FLII: variants seen among roughly 807,000 people sequenced by gnomAD.
FLII encodes the protein protein flightless-1 homolog.
A neutral mutation model predicts 156.2 loss-of-function variants in FLII; 101 were observed. The observed-to-expected ratio is 0.65, with a 90% CI of 0.55 to 0.76. FLII has a LOEUF of 0.76. FLII is among the 30% of genes least tolerant of loss of function. The probability of loss-of-function intolerance (pLI) is 0.00; values close to 1 mark genes in which losing one functional copy is unlikely to be tolerated. For synonymous variants in FLII, 767 were observed against 685.8 expected, an observed-to-expected ratio of 1.12 and a Z score of -1.85; for missense variants, 1,675 against 1,682.8, an observed-to-expected ratio of 1.00 and a Z score of 0.08.
At chr17:18,252,234 CG>C (rs1733741318) in intron 10 of FLII, 88 bp from the exon 11 acceptor site, 1 of 1,308,144 alleles carries the variant, frequency 7.6e-7, no homozygotes, top group African/African-American at 1.5e-5. Context: ...TGTCTGCAGC[CG>C]CCAGGGCTGA....
chr17:18,255,293 C>A, intron 3 of FLII, 30 bp from the exon 4 acceptor site: 1 of 1,580,220 alleles, frequency 6.3e-7, no homozygotes, highest in Non-Finnish European at 8.7e-7. Context: ...GTCTATAATT[C>A]CTGGCTTCCA....
In FLII at chr17:18,246,407, C is replaced by G; in HGVS notation, c.3107G>C (p.Arg1036Thr). The G allele has an allele frequency of 6.2e-7, 1 of 1,614,048 alleles. No homozygotes were observed. Among genetic ancestry groups the G allele is most frequent in the Non-Finnish European group, 8.5e-7 (1 of 1,179,994 alleles). The change falls in exon 24 of 30, where the codon AGG (arginine) becomes ACG (threonine). Residue 1036 changes from arginine to threonine, a missense_variant. Around this residue, in one of 2 missense-constraint regions of FLII, gnomAD observed 1,332 missense variants for 1,269.3 expected, o/e 1.05. Transcript: ENST00000327031. ...ENPKFLSHFK[R>T]KFIIHRGKRK... The stretch of plus-strand genomic sequence containing the variant: ...CTTGCCCCGGTGGATGATGAACTTC[C>G]TCTTGAAATGGGACAGGAACTTGGG...
At chr17:18,245,297 G>T (rs780853576) in intron 29 of FLII, 25 bp from the exon 30 acceptor site, 2 of 1,613,078 alleles carry the variant, frequency 1.2e-6, no homozygotes, top group Non-Finnish European at 1.7e-6. Context: ...GCGAGCCTTG[G>T]GTGATGACCC....
rs200673605 is a variant in FLII at position 18,247,858 on chromosome 17, G to C, written c.2296-10C>G. 6.7e-4 allele frequency: 1,089 copies of C among 1,613,830 alleles called. 3 individuals carry two copies. Among genetic ancestry groups the C allele is most frequent in the Middle Eastern group, 1.8e-3 (11 of 6,078 alleles). ...CCAGCAGACTCTGCAGCTGCGGACCGGGAGTCTGGAGGTCAAAGCCCAGCC... is the reference window on the plus strand; with the variant it reads ...CCAGCAGACTCTGCAGCTGCGGACCCGGAGTCTGGAGGTCAAAGCCCAGCC... On this transcript the variant is annotated splice_polypyrimidine_tract_variant and intron_variant, in intron 19 of 29. Transcript: ENST00000327031.
rs2048490535 is a variant in FLII, at chr17:18,258,323, C to G, written c.63+305G>C. 1 of 604,184 alleles carries G rather than the reference C, an allele frequency of 1.7e-6. No individual in the cohort carries two copies. Among genetic ancestry groups the G allele is most frequent in the Non-Finnish European group, 2.7e-6 (1 of 369,448 alleles). The allele number at this position is 604,184 out of a possible 1,614,324, so 37.4% of individuals were successfully genotyped here. On this transcript the variant is annotated intron_variant, in intron 1 of 29. Coordinates refer to ENST00000327031, the MANE Select transcript of FLII (RefSeq NM_002018.4). The surrounding 1 kb of genome is among the most constrained non-coding windows in gnomAD (Gnocchi z 4.2). ...AGGGGCGGGGAGGCTCGCCCGATCC[C>G]CAGGCCACCATCCAGCCTAGACCGA...
At position 18,251,834 on chromosome 17, in the gene FLII, C is replaced by A; in HGVS notation, c.1247-18G>T. 2 of 1,613,152 alleles carry A rather than the reference C, an allele frequency of 1.2e-6. No homozygotes were observed. Among genetic ancestry groups the A allele is most frequent in the Middle Eastern group, 1.7e-4 (1 of 6,060 alleles). On this transcript the variant is annotated intron_variant, in intron 11 of 29. Transcript: ENST00000327031. ...ACTCCCTGCTTAGGGGAGGGGCAAA[C>A]AGCTGAGCCCTCACTGGGCCTGCTG...
rs1359343485 is a variant in FLII at position 18,249,221 on chromosome 17, G to A, written c.1860-20C>T. The A allele has an allele frequency of 1.2e-6, 2 of 1,613,980 alleles. No homozygotes were observed. Among genetic ancestry groups the A allele is most frequent in the Non-Finnish European group, 1.7e-6 (2 of 1,179,902 alleles). ...TACATCCTGGGCGCAGGGCAAGAGT[G>A]GCTCAGTGTAGGCACCAAGGGCCTA... On this transcript the variant is annotated intron_variant, in intron 15 of 29. Coordinates refer to ENST00000327031, the MANE Select transcript of FLII (RefSeq NM_002018.4).
At chr17:18,253,746 C>T in intron 7 of FLII, 27 bp from the exon 8 acceptor site, 1 of 1,570,484 alleles carries the variant, frequency 6.4e-7, no homozygotes, top group Non-Finnish European at 8.7e-7. Context: ...GGTGCATCAG[C>T]TGGGGCCCAT....
chr17:18,248,623 A>G lies in FLII; in HGVS notation c.2117T>C (p.Leu706Pro), dbSNP rs1462754830. 3 of 1,613,876 alleles carry G rather than the reference A, an allele frequency of 1.9e-6. No individual in the cohort carries two copies. The highest frequency in any genetic ancestry group is 1.7e-5 in the Admixed American group (1 of 60,014). ...GQELPEFWEA[L>P]GGEPSEIKKH... is the part of the protein sequence containing the mutation. ...CTTGATCTCAGAGGGCTCCCCACCCAGTGCCTCCCAGAACTCTGGGAGCTC... is the reference window on the plus strand; with the variant it reads ...CTTGATCTCAGAGGGCTCCCCACCCGGTGCCTCCCAGAACTCTGGGAGCTC... The change falls in exon 18 of 30, where the codon CTG (leucine) becomes CCG (proline). Residue 706 changes from leucine (L) to proline (P), a missense_variant. By Grantham distance (98) the Leu-to-Pro change is moderately conservative (BLOSUM62 -3). Coordinates refer to ENST00000327031, the MANE Select transcript of FLII (RefSeq NM_002018.4).
chr17:18,247,123 G>GGGGGGGGCCCC, intron 21 of FLII, 46 bp downstream of exon 21: 1 of 1,249,070 alleles, frequency 8.0e-7, no homozygotes, highest in Non-Finnish European at 1.0e-6. Context: ...CCCTCGGCCT[G>GGGGGGGGCCCC]CCCCCCACCC....
At position 18,245,242 on chromosome 17, in the gene FLII, G is replaced by A. The variant is rs749826930; in HGVS notation, c.3706C>T (p.His1236Tyr). ...AGGCGCAGCCGGCGCGGCCGCTCAT[G>A]TTCCTTGGACCGCATGTGCTGGATA... ...VYIQHMRSKEHERPRRLRLVR... is the reference protein window; with the variant it reads ...VYIQHMRSKEYERPRRLRLVR... Residue 1236 changes from histidine (H) to tyrosine (Y), a missense_variant, in exon 30 of 30, where the codon CAT becomes TAT. Transcript: ENST00000327031. The A allele has an allele frequency of 3.1e-6, 5 of 1,613,716 alleles. No homozygotes were observed. Among genetic ancestry groups the A allele is most frequent in the Admixed American group, 1.7e-5 (1 of 60,008 alleles).
chr17:18,246,767 C>CG lies in FLII; in HGVS notation c.2877dup (p.Glu960ArgfsTer11). On this transcript the variant is annotated frameshift_variant, in exon 23 of 30. Transcript: ENST00000327031. LOFTEE classifies it high-confidence loss of function. The stretch of plus-strand genomic sequence containing the variant: ...GTTGCTTCCTCGCCTTCTTTGCCCT[C>CG]GGCCTTCTCCTCCTTGTCTTCCTTC... 1 of 1,613,950 alleles carries CG rather than the reference C, an allele frequency of 6.2e-7. No homozygotes were observed. Among genetic ancestry groups the CG allele is most frequent in the Non-Finnish European group, 8.5e-7 (1 of 1,179,932 alleles).
Position 18,247,365 on chromosome 17 carries a change from G to T in FLII, c.2488-8C>A, listed in dbSNP as rs564612939. Reference sequence around the variant, plus strand: ...GAACTTGGCCTTGAACACCTGCCAGGGAGGCCATCAACTAACCATGAGGGG... The same window carrying T: ...GAACTTGGCCTTGAACACCTGCCAGTGAGGCCATCAACTAACCATGAGGGG... On this transcript the variant is annotated splice_polypyrimidine_tract_variant and splice_region_variant and intron_variant, in intron 20 of 29. Coordinates refer to ENST00000327031, the MANE Select transcript of FLII (RefSeq NM_002018.4). The T allele has an allele frequency of 6.3e-7, 1 of 1,595,802 alleles. No homozygotes were observed. Among genetic ancestry groups the T allele is most frequent in the African/African-American group, 1.4e-5 (1 of 73,792 alleles).
chr17:18,256,235 G>A (rs1376089768), intron 3 of FLII, among the ~76,000 whole-genome samples: 1 of 152,258 alleles, frequency 6.6e-6, no homozygotes, highest in African/African-American at 2.4e-5. Flanking sequence ...TGGGAACATT[G>A]CTCAGCCAGT....
rs1240397573 is a variant in FLII at position 18,258,586 on chromosome 17, A to G, written c.63+42T>C. The G allele has an allele frequency of 6.5e-7, 1 of 1,536,348 alleles. No homozygotes were observed. Among genetic ancestry groups the G allele is most frequent in the Non-Finnish European group, 8.7e-7 (1 of 1,149,856 alleles). On this transcript the variant is annotated intron_variant, in intron 1 of 29. Coordinates refer to ENST00000327031, the MANE Select transcript of FLII (RefSeq NM_002018.4). This position sits in a 1 kb window ranked among gnomAD's most constrained non-coding sequence, Gnocchi z 4.2. ...AGGCCAAGCGGGCCGGGCGGAAGAG[A>G]AGGCCTGCAGGGAGGCCCGGCACGC...
At position 18,245,018 on chromosome 17, in the gene FLII, G is replaced by A. The variant is rs2047976131; in HGVS notation, c.*120C>T. The A allele has an allele frequency of 3.6e-6, 4 of 1,119,016 alleles. No individual in the cohort carries two copies. The Admixed American group carries it at 6.5e-5, about 18-fold the overall frequency. The allele number at this position is 1,119,016 out of a possible 1,614,324, so 69.3% of individuals were successfully genotyped here. A position where few individuals can be genotyped will look rare whatever the true frequency, so the allele number is the denominator to read the frequency against. Reference sequence around the variant, plus strand: ...CATTGGTGCTGCTTGAGGCTACTGGGGACTGTGGCACTGGACGTGGCTGGA... The same window carrying A: ...CATTGGTGCTGCTTGAGGCTACTGGAGACTGTGGCACTGGACGTGGCTGGA... On this transcript the variant is annotated 3_prime_UTR_variant, in exon 30 of 30. Coordinates refer to ENST00000327031, the MANE Select transcript of FLII (RefSeq NM_002018.4).
intron 14 of FLII, among the ~76,000 whole-genome samples, chr17:18,250,432 G>A (rs572687026): frequency 1.1e-4 from 16 of 152,224 alleles, no homozygotes; most frequent in African/African-American, 2.6e-4. Context: ...CTCTGGTCCC[G>A]CCCTTGGCCC....
In FLII at chr17:18,251,430, G is replaced by A. The variant is rs1457292332; in HGVS notation, c.1431C>T (p.Asp477=). ...RAPSGKVRRW[D]QGLEKPRLDY... ...CAAGGCGGGGCTTCTCCAGGCCCTG[G>A]TCCCAACGCCGCACCTTCCCGCTGG... The change falls in exon 13 of 30, where the codon GAC becomes GAT. Residue 477 remains aspartate, a synonymous_variant. Coordinates refer to ENST00000327031, the MANE Select transcript of FLII (RefSeq NM_002018.4). The A allele has an allele frequency of 6.2e-7, 1 of 1,612,226 alleles. No homozygotes were observed. The highest frequency in any genetic ancestry group is 1.3e-5 in the African/African-American group (1 of 74,936).
In FLII at chr17:18,258,407, G is replaced by C. The variant is rs537515996; in HGVS notation, c.63+221C>G. 1 of 1,362,758 alleles carries C rather than the reference G, an allele frequency of 7.3e-7. No homozygotes were observed. The highest frequency in any genetic ancestry group is 1.5e-5 in the African/African-American group (1 of 66,182). The allele number at this position is 1,362,758 out of a possible 1,614,324, so 84.4% of individuals were successfully genotyped here. A position where few individuals can be genotyped will look rare whatever the true frequency, so the allele number is the denominator to read the frequency against. On this transcript the variant is annotated intron_variant, in intron 1 of 29. Coordinates refer to ENST00000327031, the MANE Select transcript of FLII (RefSeq NM_002018.4). The surrounding 1 kb of genome is among the most constrained non-coding windows in gnomAD (Gnocchi z 4.2). Reference sequence around the variant, plus strand: ...GCCCCCGGCGGGACTCCGAGCCCAAGCGTCCGTCCCCGGCCTGCCCAGCCT... The same window carrying C: ...GCCCCCGGCGGGACTCCGAGCCCAACCGTCCGTCCCCGGCCTGCCCAGCCT...
Sources: gnomAD v4.1 joint callset for allele counts (sites outside exome capture counted in the v4.1 genomes callset) on GRCh38, gnomAD v4.1.1 for gene constraint, gnomAD v4.1.1 regional missense constraint, Gnocchi (gnomAD v3.1) non-coding constraint, MANE v1.5 for transcripts, NCBI Gene and HGNC (gene_info 2026-07-23, HGNC 2026-07-21) for gene names.